The following LOC128706666 variants were observed in gnomAD, a reference collection of about 807,000 sequenced individuals.
At chr20:10,417,690 T>A in the LOC128706666 span, among the ~76,000 whole-genome samples, 13 of 151,750 alleles carry the variant, frequency 8.6e-5, no homozygotes, top group East Asian at 2.5e-3. Flanking sequence ...AAAATCAACA[T>A]CATCATCAAA....
At chr20:10,418,679 A>T in the LOC128706666 span, among the ~76,000 whole-genome samples, 1 of 152,112 alleles carries the variant, frequency 6.6e-6, no homozygotes, top group Non-Finnish European at 1.5e-5. Flanking sequence ...TTTTCCTCCA[A>T]GAGTATTTCT....
At chr20:10,424,862 G>A in the LOC128706666 span, among the ~76,000 whole-genome samples, 1 of 152,088 alleles carries the variant, frequency 6.6e-6, no homozygotes, top group East Asian at 1.9e-4. Flanking sequence ...GACCAGTCTG[G>A]CCAACATGGT....
At chr20:10,425,291 C>T in the LOC128706666 span, among the ~76,000 whole-genome samples, 2 of 152,154 alleles carry the variant, frequency 1.3e-5, no homozygotes, top group African/African-American at 4.8e-5. Context: ...ATTATAATGG[C>T]GATATCCTAA....
At chr20:10,427,518 G>A in the LOC128706666 span, among the ~76,000 whole-genome samples, 1 of 152,058 alleles carries the variant, frequency 6.6e-6, no homozygotes, top group African/African-American at 2.4e-5. Flanking sequence ...TGACAATGTT[G>A]GCTTTAGGTA....
At chr20:10,430,908 AAAC>A in the LOC128706666 span, among the ~76,000 whole-genome samples, 2 of 152,234 alleles carry the variant, frequency 1.3e-5, no homozygotes, top group East Asian at 1.9e-4. Flanking sequence ...TGTTGGTCTG[AAAC>A]AACGTTTTAC....
the LOC128706666 span, among the ~76,000 whole-genome samples, chr20:10,432,628 A>C: frequency 6.6e-6 from 1 of 152,060 alleles, no homozygotes; most frequent in Admixed American, 6.5e-5. Flanking sequence ...CACCATCTCT[A>C]CTAAAAAATA....
chr20:10,423,920 T>G, the LOC128706666 span, among the ~76,000 whole-genome samples: 1 of 152,234 alleles, frequency 6.6e-6, no homozygotes, highest in Non-Finnish European at 1.5e-5. Flanking sequence ...ATTGCTTTAA[T>G]GTTTACTGAA....
At chr20:10,433,547 AT>A in the LOC128706666 span, among the ~76,000 whole-genome samples, 2 of 152,150 alleles carry the variant, frequency 1.3e-5, no homozygotes, top group Non-Finnish European at 2.9e-5. Context: ...CGGCAACAGG[AT>A]TTGGGTATGG....
chr20:10,428,422 G>C, the LOC128706666 span, among the ~76,000 whole-genome samples: 3 of 152,198 alleles, frequency 2.0e-5, no homozygotes, highest in African/African-American at 4.8e-5. Context: ...TCATTTTCAA[G>C]ATTTTAATTG....
chr20:10,423,187 C>T, the LOC128706666 span, among the ~76,000 whole-genome samples: 3 of 152,010 alleles, frequency 2.0e-5, no homozygotes, highest in African/African-American at 7.2e-5. Context: ...AAGTGTAATC[C>T]TAACACTTCG....
chr20:10,428,063 C>A, the LOC128706666 span, among the ~76,000 whole-genome samples: 1 of 152,236 alleles, frequency 6.6e-6, no homozygotes, highest in East Asian at 1.9e-4. Flanking sequence ...ATACTGAAAG[C>A]ATCATAAGTC....
At chr20:10,431,999 C>G in the LOC128706666 span, 2 of 152,328 alleles carry the variant, frequency 1.3e-5, no homozygotes, top group Non-Finnish European at 2.9e-5. Context: ...ATGTGCCACC[C>G]TGACCCCCCT....
the LOC128706666 span, among the ~76,000 whole-genome samples, chr20:10,428,543 C>T: frequency 2.0e-5 from 3 of 152,176 alleles, no homozygotes; most frequent in Admixed American, 6.5e-5. Flanking sequence ...TAGCTCTCAA[C>T]TAAATCTTCT....
chr20:10,418,301 A>G, the LOC128706666 span, among the ~76,000 whole-genome samples: 1 of 152,222 alleles, frequency 6.6e-6, no homozygotes, highest in South Asian at 2.1e-4. Flanking sequence ...GCCCTTAACT[A>G]TTAAAGCTGG....
chr20:10,427,322 G>A, the LOC128706666 span, among the ~76,000 whole-genome samples: 1 of 152,070 alleles, frequency 6.6e-6, no homozygotes, highest in African/African-American at 2.4e-5. Context: ...AGTGTAAAAC[G>A]GATTCTTTTT....
the LOC128706666 span, among the ~76,000 whole-genome samples, chr20:10,432,619 A>AC: frequency 6.6e-6 from 1 of 151,874 alleles, no homozygotes; most frequent in African/African-American, 2.4e-5. Flanking sequence ...ATGGCGAAAC[A>AC]CCATCTCTAC....
the LOC128706666 span, chr20:10,434,191 A>T: frequency 2.6e-5 from 4 of 152,254 alleles, no homozygotes; most frequent in Non-Finnish European, 1.5e-5. Context: ...GCTGCCGCGG[A>T]TCCCGACAAC....
At chr20:10,420,096 T>C in the LOC128706666 span, among the ~76,000 whole-genome samples, 3 of 152,292 alleles carry the variant, frequency 2.0e-5, no homozygotes, top group South Asian at 6.2e-4. Context: ...TTTATTTCAG[T>C]GACTCTCAAA....
At chr20:10,419,030 C>T in the LOC128706666 span, among the ~76,000 whole-genome samples, 1 of 152,104 alleles carries the variant, frequency 6.6e-6, no homozygotes, top group African/African-American at 2.4e-5. Context: ...TCTTCCACTT[C>T]TGCTTATGAA....
Sources: gnomAD v4.1 joint callset for allele counts (sites outside exome capture counted in the v4.1 genomes callset) on GRCh38, gnomAD v4.1.1 for gene constraint, MANE v1.5 for transcripts.